PLB1: variants seen among roughly 807,000 people sequenced by gnomAD.
PLB1 encodes phospholipase B1, also known as phospholipase B1, membrane-associated.
A neutral mutation model predicts 227.4 loss-of-function variants in PLB1; 242 were observed. That is an observed-to-expected ratio of 1.06 (90% CI 0.96 to 1.18). The LOEUF is 1.18. Ranked by LOEUF, PLB1 falls within the 50% of genes most tolerant of loss-of-function variation. PLB1 has a pLI of 0.00. For synonymous variants in PLB1, 757 were observed against 682.2 expected, an observed-to-expected ratio of 1.11 and a Z score of -1.71; for missense variants, 1,858 against 1,816.3, an observed-to-expected ratio of 1.02 and a Z score of -0.42.
At chr2:28,624,999 G>GGC in intron 49 of PLB1, 58 bp from the exon 50 acceptor site, 4 of 1,521,652 alleles carry the variant, frequency 2.6e-6, no homozygotes, top group Non-Finnish European at 3.6e-6. Context: ...AAAATCCCAT[G>GGC]TCGTGAGTCC....
chr2:28,539,257 C>G (rs1028052805), intron 11 of PLB1, 79 bp downstream of exon 11: 1 of 1,284,386 alleles, frequency 7.8e-7, no homozygotes, highest in Admixed American at 1.8e-5. Flanking sequence ...CTTCATGTGC[C>G]GTAATCTATG....
At position 28,589,691 on chromosome 2, in the gene PLB1, ACT is replaced by A. The variant is rs1558847923; in HGVS notation, c.1940_1941del (p.Ser647PhefsTer5). On this transcript the variant is annotated frameshift_variant, in exon 28 of 58. Coordinates refer to ENST00000327757, the MANE Select transcript of PLB1 (RefSeq NM_153021.5). LOFTEE classifies it high-confidence loss of function. ...GGTGACCAGGAAGGATTGCCTGACA[ACT>A]CTTTCTTCGCTCCTGACTGTTTCCA... 2.5e-6 allele frequency: 4 copies of A among 1,613,878 alleles called. No individual in the cohort carries two copies. The highest frequency in any genetic ancestry group is 3.4e-6 in the Non-Finnish European group (4 of 1,179,970).
intron 56 of PLB1, among the ~76,000 whole-genome samples, chr2:28,639,220 T>G (rs1573616940): frequency 6.6e-6 from 1 of 151,610 alleles, no homozygotes; most frequent in Admixed American, 6.6e-5. Flanking sequence ...TGGAGGTAGA[T>G]GGGAAATGAG....
intron 17 of PLB1, 25 bp downstream of exon 17, chr2:28,553,016 T>C (rs1242984545): frequency 6.2e-7 from 1 of 1,600,558 alleles, no homozygotes; most frequent in East Asian, 2.2e-5. Flanking sequence ...CCCAGTGATT[T>C]TAAAATTCAT....
At position 28,504,468 on chromosome 2, in the gene PLB1, C is replaced by T. The variant is rs185204949; in HGVS notation, c.55+8299C>T. The stretch of plus-strand genomic sequence containing the variant: ...AAACATAGTCATTGTAAGGGCCAGG[C>T]GCAGTGGCTCACGTCTGTTATCCCA... On this transcript the variant is annotated intron_variant, in intron 1 of 57. Coordinates refer to ENST00000327757, the MANE Select transcript of PLB1 (RefSeq NM_153021.5). 3.4e-3 allele frequency among the ~76,000 whole-genome samples: 514 copies of T among 152,246 alleles called. 2 individuals carry two copies. Among genetic ancestry groups the T allele is most frequent in the African/African-American group, 0.011 (476 of 41,532 alleles).
chr2:28,514,645 T>C (rs1285980601), intron 1 of PLB1, among the ~76,000 whole-genome samples: 2 of 152,156 alleles, frequency 1.3e-5, no homozygotes, highest in Non-Finnish European at 2.9e-5. Flanking sequence ...AGAGACCATA[T>C]GGTGAGTAAA....
chr2:28,522,175 A>G (rs141446224), intron 4 of PLB1, among the ~76,000 whole-genome samples: 82 of 151,976 alleles, frequency 5.4e-4, no homozygotes, highest in African/African-American at 1.9e-3. Flanking sequence ...TGAGCACTGG[A>G]TGAAGCTGGC....
intron 17 of PLB1, among the ~76,000 whole-genome samples, chr2:28,554,401 C>T (rs986745366): frequency 1.3e-4 from 20 of 150,702 alleles, no homozygotes; most frequent in Admixed American, 1.3e-4. Context: ...GATTGTGGCT[C>T]ACTGCAGCCT....
chr2:28,597,963 A>G lies in PLB1; in HGVS notation c.2322-42A>G, dbSNP rs1188095809. 2.5e-6 allele frequency: 4 copies of G among 1,580,128 alleles called. No individual in the cohort carries two copies. In the South Asian group the frequency reaches 4.4e-5, roughly 17 times the overall value. Reference sequence around the variant, plus strand: ...AAGTTCCTAGATTGATTCAACCAATATGTCTCTCCCTCTCATTCACTGGCT... The same window carrying G: ...AAGTTCCTAGATTGATTCAACCAATGTGTCTCTCCCTCTCATTCACTGGCT... On this transcript the variant is annotated intron_variant, in intron 33 of 57. Transcript: ENST00000327757.
In PLB1 at chr2:28,579,721, C is replaced by A. The variant is rs774961919; in HGVS notation, c.1566+14C>A. ...TGCAATGATCTGGTAGGTCTCCAGG[C>A]ACTTTACTCAAGACTCACCCCCAGA... On this transcript the variant is annotated intron_variant, in intron 23 of 57. Transcript: ENST00000327757. The A allele has an allele frequency of 9.4e-6, 15 of 1,604,214 alleles. No homozygotes were observed. The highest frequency in any genetic ancestry group is 1.3e-5 in the Non-Finnish European group (15 of 1,171,280).
Position 28,519,719 on chromosome 2 carries a change from CCTT to C in PLB1, c.202_204del (p.Ser68del). Reference sequence around the variant, plus strand: ...TGTCTCCACAGTTCACTCTCTGAAGCCTTCTGATATTAAATTTGTGGCAGCCAT... The same window carrying C: ...TGTCTCCACAGTTCACTCTCTGAAGCCTGATATTAAATTTGTGGCAGCCAT... On this transcript the variant is annotated inframe_deletion, in exon 4 of 58. Coordinates refer to ENST00000327757, the MANE Select transcript of PLB1 (RefSeq NM_153021.5). 1 of 1,610,898 alleles carries C rather than the reference CCTT, an allele frequency of 6.2e-7. No individual in the cohort carries two copies. The highest frequency in any genetic ancestry group is 8.5e-7 in the Non-Finnish European group (1 of 1,177,338).
intron 49 of PLB1, among the ~76,000 whole-genome samples, chr2:28,622,621 A>G (rs1687193646): frequency 6.6e-6 from 1 of 152,310 alleles, no homozygotes; most frequent in African/African-American, 2.4e-5. Flanking sequence ...AGGCATGGTG[A>G]CTCACACCTG....
intron 56 of PLB1, among the ~76,000 whole-genome samples, chr2:28,634,638 T>G (rs1320954590): frequency 6.6e-6 from 1 of 152,224 alleles, no homozygotes; most frequent in African/African-American, 2.4e-5. Flanking sequence ...CCAGGCACGG[T>G]GGCTCATGCC....
At position 28,630,579 on chromosome 2, in the gene PLB1, C is replaced by G; in HGVS notation, c.3819-7C>G. The stretch of plus-strand genomic sequence containing the variant: ...GCAGCCTCAATACAACACTCCCTGT[C>G]TCACAGGAACAACTGCACTTGCCTC... On this transcript the variant is annotated splice_polypyrimidine_tract_variant and splice_region_variant and intron_variant, in intron 53 of 57. Coordinates refer to ENST00000327757, the MANE Select transcript of PLB1 (RefSeq NM_153021.5). 6.2e-7 allele frequency: 1 copy of G among 1,612,948 alleles called. No individual in the cohort carries two copies. The highest frequency in any genetic ancestry group is 8.5e-7 in the Non-Finnish European group (1 of 1,179,226).
chr2:28,542,147 A>G (rs2148209575), intron 13 of PLB1, among the ~76,000 whole-genome samples: 1 of 151,742 alleles, frequency 6.6e-6, no homozygotes, highest in African/African-American at 2.4e-5. Flanking sequence ...AAAAAAAAAA[A>G]AAGTGTGAAG....
chr2:28,509,160 C>A (rs1307942571), intron 1 of PLB1, among the ~76,000 whole-genome samples: 1 of 152,144 alleles, frequency 6.6e-6, no homozygotes, highest in Non-Finnish European at 1.5e-5. Context: ...GGGACAGGGG[C>A]TAGAAAATTG....
intron 3 of PLB1, 59 bp downstream of exon 3, chr2:28,518,591 G>A (rs1669132916): frequency 7.6e-7 from 1 of 1,309,346 alleles, no homozygotes; most frequent in Non-Finnish European, 1.1e-6. Flanking sequence ...GAAGTGGCCA[G>A]CAGAGGCTCT....
chr2:28,498,435 A>G (rs1311630302), intron 1 of PLB1, among the ~76,000 whole-genome samples: 1 of 152,040 alleles, frequency 6.6e-6, no homozygotes, highest in Non-Finnish European at 1.5e-5. Context: ...TAATTTTAGT[A>G]TTTTTTGTAG....
At chr2:28,567,179 G>A (rs897424319) in intron 20 of PLB1, among the ~76,000 whole-genome samples, 1 of 152,220 alleles carries the variant, frequency 6.6e-6, no homozygotes, top group African/African-American at 2.4e-5. Context: ...TCTGGCATGA[G>A]ATTAGAGAGA....
Sources: gnomAD v4.1 joint callset for allele counts (sites outside exome capture counted in the v4.1 genomes callset) on GRCh38, gnomAD v4.1.1 for gene constraint, MANE v1.5 for transcripts, NCBI Gene and HGNC (gene_info 2026-07-23, HGNC 2026-07-21) for gene names.